The following CUL2 variants were observed in gnomAD, a reference collection of about 807,000 sequenced individuals.
CUL2 encodes the protein cullin 2.
CUL2 carries 22 observed loss-of-function variants against 110.2 expected under a neutral mutation model. The ratio of observed to expected loss-of-function variants is 0.20; its 90% confidence interval spans 0.14 to 0.28. The LOEUF is 0.28. Among genes scored for constraint, CUL2 ranks in the 10% least tolerant of loss-of-function variants. The probability of loss-of-function intolerance (pLI) is 1.00; values close to 1 mark genes in which losing one functional copy is unlikely to be tolerated. For synonymous variants in CUL2, 279 were observed against 293.2 expected (o/e 0.95, Z 0.49); for missense variants, 631 against 905.5 (o/e 0.70, Z 3.89).
Position 35,025,218 on chromosome 10 carries a change from A to G in CUL2, c.1618-20T>C, listed in dbSNP as rs75341902. ...TTCAAACTGTAAAAAAAAAAAAAAA[A>G]CACACATTATTTTTAGCTACTATAA... On this transcript the variant is annotated intron_variant, in intron 16 of 20. Coordinates refer to ENST00000374749, the MANE Select transcript of CUL2 (RefSeq NM_003591.4). 1 of 1,480,348 alleles carries G rather than the reference A, an allele frequency of 6.8e-7. No homozygotes were observed. Among genetic ancestry groups the G allele is most frequent in the Non-Finnish European group, 9.1e-7 (1 of 1,104,902 alleles). 91.7% of individuals were successfully genotyped at this position (1,480,348 alleles called of 1,614,324 possible). A position where few individuals can be genotyped will look rare whatever the true frequency, so the allele number is the denominator to read the frequency against.
intron 17 of CUL2, among the ~76,000 whole-genome samples, chr10:35,023,094 G>A (rs1205178346): frequency 6.6e-6 from 1 of 152,166 alleles, no homozygotes; most frequent in African/African-American, 2.4e-5. Context: ...TGTGACAGTA[G>A]ATGTTAAATG....
Position 35,071,267 on chromosome 10 carries a change from A to C in CUL2, c.51T>G (p.Leu17=). The stretch of plus-strand genomic sequence containing the variant: ...TGACCACGGCTTTTATTGTCGTCAA[A>C]AGTTTGTTCCATGTTTCATCAAAAT... ...VVDFDETWNK[L]LTTIKAVVML... Residue 17 remains leucine, a synonymous_variant, in exon 2 of 21, where the codon CTT becomes CTG. Coordinates refer to ENST00000374749, the MANE Select transcript of CUL2 (RefSeq NM_003591.4). The C allele has an allele frequency of 6.2e-7, 1 of 1,614,070 alleles. No individual in the cohort carries two copies. The highest frequency in any genetic ancestry group is 8.5e-7 in the Non-Finnish European group (1 of 1,179,920).
intron 1 of CUL2, among the ~76,000 whole-genome samples, chr10:35,072,939 G>A (rs1415857858): frequency 6.6e-6 from 1 of 152,120 alleles, no homozygotes; most frequent in Non-Finnish European, 1.5e-5. Context: ...TAGGGGAAAG[G>A]GGAGGCAGAG....
Position 35,062,950 on chromosome 10 carries a change from C to T in CUL2, c.222+10G>A. The T allele has an allele frequency of 7.0e-7, 1 of 1,434,594 alleles. No homozygotes were observed. Among genetic ancestry groups the T allele is most frequent in the Non-Finnish European group, 9.8e-7 (1 of 1,020,132 alleles). The allele number at this position is 1,434,594 out of a possible 1,614,324, so 88.9% of individuals were successfully genotyped here. On this transcript the variant is annotated intron_variant, in intron 3 of 20. Coordinates refer to ENST00000374749, the MANE Select transcript of CUL2 (RefSeq NM_003591.4). ...CAACATATTTATATCACGTATGTAT[C>T]ATTGCTTACCTTATGCAAATGCCGA...
At chr10:35,089,295 A>C (rs193067261) in intron 1 of CUL2, among the ~76,000 whole-genome samples, 6 of 152,360 alleles carry the variant, frequency 3.9e-5, no homozygotes, top group Non-Finnish European at 8.8e-5. Context: ...TCTGTCTTGA[A>C]AAGGAATGTA....
chr10:35,029,350 C>T (rs2085421986), intron 15 of CUL2, 138 bp downstream of exon 15: 1 of 599,308 alleles, frequency 1.7e-6, no homozygotes, highest in African/African-American at 2.0e-5. Flanking sequence ...AGCCACCACG[C>T]CCAGCCCAAA....
chr10:35,019,465 G>T (rs976218213), intron 17 of CUL2, among the ~76,000 whole-genome samples: 2 of 152,172 alleles, frequency 1.3e-5, no homozygotes, highest in African/African-American at 4.8e-5. Flanking sequence ...GACTGGGGAA[G>T]GGGTGGGAAG....
At position 35,014,708 on chromosome 10, in the gene CUL2, C is replaced by G. The variant is rs532395759; in HGVS notation, c.1888-908G>C. ...ATTAGCCTGGCATAGTGGCTTACAC[C>G]TGTGGTCCCAGCTACTTGGAAGGCT... On this transcript the variant is annotated intron_variant, in intron 18 of 20. Coordinates refer to ENST00000374749, the MANE Select transcript of CUL2 (RefSeq NM_003591.4). 2.0e-5 allele frequency among the ~76,000 whole-genome samples: 3 copies of G among 152,150 alleles called. No homozygotes were observed. The East Asian group carries it at 5.8e-4, about 29-fold the overall frequency.
chr10:35,054,835 A>G (rs1245199870), intron 4 of CUL2, among the ~76,000 whole-genome samples: 2 of 152,222 alleles, frequency 1.3e-5, no homozygotes. Context: ...GAAAGTCAAG[A>G]TAAAGTCCAC....
chr10:35,061,119 T>G (rs373183306), intron 3 of CUL2, 151 bp from the exon 4 acceptor site: 2 of 853,542 alleles, frequency 2.3e-6, no homozygotes. Context: ...CTACACGTAT[T>G]AAAAATGAAA....
chr10:35,124,924 A>G (rs980089372), intron 1 of CUL2, among the ~76,000 whole-genome samples: 2 of 152,230 alleles, frequency 1.3e-5, no homozygotes, highest in African/African-American at 4.8e-5. Flanking sequence ...TAGGTGACCT[A>G]GTTGTCCCTC....
At position 35,009,328 on chromosome 10, in the gene CUL2, G is replaced by C. The variant is rs2084843229; in HGVS notation, c.*983C>G. 1 of 151,588 alleles carries C rather than the reference G, an allele frequency of 6.6e-6. No homozygotes were observed. Among genetic ancestry groups the C allele is most frequent in the South Asian group, 2.1e-4 (1 of 4,814 alleles). The allele number at this position is 151,588 out of a possible 1,614,324, so 9.4% of individuals were successfully genotyped here. ...TGCATTGCTAAGCACATCTGTGATTGATGAGAGTGACTCTAGTATCTAAAC... is the reference window on the plus strand; with the variant it reads ...TGCATTGCTAAGCACATCTGTGATTCATGAGAGTGACTCTAGTATCTAAAC... On this transcript the variant is annotated 3_prime_UTR_variant, in exon 21 of 21. Transcript: ENST00000374749.
chr10:35,115,421 A>G (rs1269396162), intron 1 of CUL2, among the ~76,000 whole-genome samples: 1 of 146,732 alleles, frequency 6.8e-6, no homozygotes, highest in Non-Finnish European at 1.5e-5. Context: ...TTAGCCAGGC[A>G]TGCTGGCAGG....
At chr10:35,037,217 A>G (rs924064502) in intron 9 of CUL2, among the ~76,000 whole-genome samples, 17 of 152,216 alleles carry the variant, frequency 1.1e-4, no homozygotes, top group African/African-American at 4.1e-4. Context: ...TGAGGTAGTG[A>G]TCAAATTTCA....
At chr10:35,068,405 C>A (rs1390178971) in intron 2 of CUL2, among the ~76,000 whole-genome samples, 14 of 151,930 alleles carry the variant, frequency 9.2e-5, no homozygotes, top group Non-Finnish European at 1.9e-4. Context: ...AAAAAAAGAA[C>A]TACAACGCAC....
chr10:35,030,478 G>C (rs976831832), intron 14 of CUL2, among the ~76,000 whole-genome samples: 2 of 151,988 alleles, frequency 1.3e-5, no homozygotes, highest in African/African-American at 4.8e-5. Context: ...GATGTCCCAG[G>C]CTCCAGCAAT....
chr10:35,016,826 C>T (rs2085044707), intron 17 of CUL2, among the ~76,000 whole-genome samples: 1 of 150,338 alleles, frequency 6.7e-6, no homozygotes, highest in Non-Finnish European at 1.5e-5. Context: ...ACTTGGGAGG[C>T]TGAGGCAGGA....
At chr10:35,057,029 C>A (rs992521199) in intron 4 of CUL2, among the ~76,000 whole-genome samples, 1 of 152,204 alleles carries the variant, frequency 6.6e-6, no homozygotes, top group African/African-American at 2.4e-5. Flanking sequence ...ATCTTTAATT[C>A]ATCTAAAAAT....
chr10:35,023,509 A>C (rs1294540045), intron 17 of CUL2, among the ~76,000 whole-genome samples: 3 of 152,226 alleles, frequency 2.0e-5, no homozygotes, highest in Non-Finnish European at 4.4e-5. Context: ...TTTCCTATTT[A>C]GGTGATATTG....
Sources: gnomAD v4.1 joint callset for allele counts (sites outside exome capture counted in the v4.1 genomes callset) on GRCh38, gnomAD v4.1.1 for gene constraint, MANE v1.5 for transcripts, NCBI Gene and HGNC (gene_info 2026-07-23, HGNC 2026-07-21) for gene names.